The following MPDZ variants were observed in gnomAD, a reference collection of about 807,000 sequenced individuals.
The protein encoded by MPDZ is multiple PDZ domain protein.
Under a neutral mutation model 239.1 loss-of-function variants are expected in MPDZ, and 234 were observed. The observed-to-expected ratio is 0.98, with a 90% CI of 0.88 to 1.09. MPDZ has a LOEUF of 1.09. Ranked by LOEUF, MPDZ falls within the 50% of genes least tolerant of loss-of-function variation. MPDZ has a pLI of 0.00. For synonymous variants in MPDZ, 1,048 were observed against 881.3 expected, an observed-to-expected ratio of 1.19 and a Z score of -3.35; for missense variants, 3,175 against 2,510.0, an observed-to-expected ratio of 1.26 and a Z score of -5.66.
intron 23 of MPDZ, among the ~76,000 whole-genome samples, chr9:13,160,738 A>G (rs1950358408): frequency 6.7e-6 from 1 of 149,864 alleles, no homozygotes; most frequent in African/African-American, 2.5e-5. Flanking sequence ...CATGGATTAA[A>G]CCAACAGCAG....
chr9:13,273,398 G>A (rs1377200386), intron 1 of MPDZ, among the ~76,000 whole-genome samples: 1 of 152,136 alleles, frequency 6.6e-6, no homozygotes, highest in East Asian at 1.9e-4. Context: ...AGCTTCTCAT[G>A]ACCATTTTCT....
chr9:13,279,363 G>C (rs1369756627), intron 1 of MPDZ, 37 bp downstream of exon 1: 1 of 143,346 alleles, frequency 7.0e-6, no homozygotes, highest in Non-Finnish European at 1.5e-5. Context: ...GCGGGGGCGC[G>C]CCTCGGCCTC....
intron 28 of MPDZ, 101 bp from the exon 29 acceptor site, chr9:13,138,254 T>C: frequency 1.6e-6 from 2 of 1,234,968 alleles, no homozygotes; most frequent in East Asian, 2.6e-5. Context: ...GGACAGATTT[T>C]ATACCAAAAT....
At chr9:13,246,405 G>C (rs1377235541) in intron 3 of MPDZ, among the ~76,000 whole-genome samples, 1 of 152,162 alleles carries the variant, frequency 6.6e-6, no homozygotes, top group African/African-American at 2.4e-5. Flanking sequence ...TGGTGCCACT[G>C]CACTGCAACC....
intron 3 of MPDZ, among the ~76,000 whole-genome samples, chr9:13,228,841 A>G (rs1961479322): frequency 6.6e-6 from 1 of 152,200 alleles, no homozygotes; most frequent in South Asian, 2.1e-4. Context: ...TATATAATAA[A>G]GTTGTGCAAT....
intron 46 of MPDZ, among the ~76,000 whole-genome samples, chr9:13,107,447 A>G (rs1941665416): frequency 6.6e-6 from 1 of 152,192 alleles, no homozygotes; most frequent in Admixed American, 6.5e-5. Flanking sequence ...GATTCAATAG[A>G]ATCCAGGATT....
chr9:13,117,446 G>A (rs992440705), intron 39 of MPDZ, among the ~76,000 whole-genome samples: 23 of 151,628 alleles, frequency 1.5e-4, no homozygotes, highest in African/African-American at 5.3e-4. Flanking sequence ...CAGGAGAATG[G>A]CGTGAACCCG....
intron 27 of MPDZ, chr9:13,140,917 G>A (rs1472997496): frequency 6.6e-6 from 1 of 152,050 alleles, no homozygotes; most frequent in Non-Finnish European, 1.5e-5. Flanking sequence ...TTGTCTACCA[G>A]AGAGCCAGTT....
chr9:13,211,169 G>C (rs1957574907), intron 10 of MPDZ, among the ~76,000 whole-genome samples: 1 of 152,028 alleles, frequency 6.6e-6, no homozygotes, highest in Admixed American at 6.6e-5. Context: ...ATTTGCAACT[G>C]TGTCTGATTA....
chr9:13,233,719 A>T (rs1963188621), intron 3 of MPDZ, among the ~76,000 whole-genome samples: 1 of 152,210 alleles, frequency 6.6e-6, no homozygotes, highest in South Asian at 2.1e-4. Context: ...AATGATGTAA[A>T]AACACGCCTC....
At chr9:13,175,616 G>A in intron 21 of MPDZ, 136 bp downstream of exon 21, 1 of 892,904 alleles carries the variant, frequency 1.1e-6, no homozygotes, top group Admixed American at 2.8e-5. Flanking sequence ...TGAGGACATA[G>A]AAATAAAAAC....
At chr9:13,203,728 CCA>C (rs58472339) in intron 12 of MPDZ, among the ~76,000 whole-genome samples, 2,568 of 140,470 alleles carry the variant, frequency 0.018, 38 homozygotes, top group South Asian at 0.032. Context: ...ATGTATCCTG[CCA>C]CACACACACA....
intron 3 of MPDZ, among the ~76,000 whole-genome samples, chr9:13,238,409 C>A (rs570676766): frequency 6.6e-6 from 1 of 152,132 alleles, no homozygotes; most frequent in Non-Finnish European, 1.5e-5. Flanking sequence ...GAGAGCCCTA[C>A]GTAAATCAGA....
At chr9:13,214,835 C>G (rs1958084255) in intron 10 of MPDZ, among the ~76,000 whole-genome samples, 1 of 151,850 alleles carries the variant, frequency 6.6e-6, no homozygotes, top group Non-Finnish European at 1.5e-5. Flanking sequence ...AGGTGGCAAG[C>G]ACAACTTGAT....
Position 13,105,721 on chromosome 9 carries a change from A to C in MPDZ, c.*1244T>G, listed in dbSNP as rs1363961151. 6 of 152,192 alleles carry C rather than the reference A, an allele frequency of 3.9e-5. No individual in the cohort carries two copies. The highest frequency in any genetic ancestry group is 1.4e-4 in the African/African-American group (6 of 41,452). The allele number at this position is 152,192 out of a possible 1,614,324, so 9.4% of individuals were successfully genotyped here. On this transcript the variant is annotated 3_prime_UTR_variant, in exon 47 of 47. Transcript: ENST00000319217. ...CTTGCTGCTTATTTGTGCACCACTG[A>C]AAATTCTTATTTATTCACTTTAATT... is the stretch of plus-strand genomic sequence containing the variant.
intron 27 of MPDZ, among the ~76,000 whole-genome samples, chr9:13,140,402 ATATATATG>A (rs202065617): frequency 0.028 from 4,056 of 144,968 alleles, 211 homozygotes; most frequent in African/African-American, 0.097. Flanking sequence ...ACATATATAT[ATATATATG>A]TATATATATG....
Position 13,168,429 on chromosome 9 carries a change from C to G in MPDZ, c.3191G>C (p.Ser1064Thr), listed in dbSNP as rs1186948578. The G allele has an allele frequency of 5.6e-6, 9 of 1,613,548 alleles. No homozygotes were observed. Among genetic ancestry groups the G allele is most frequent in the Non-Finnish European group, 7.6e-6 (9 of 1,179,586 alleles). Residue 1064 changes from serine to threonine, a missense_variant, in exon 22 of 47, where the codon AGT becomes ACT. Coordinates refer to ENST00000319217, the MANE Select transcript of MPDZ (RefSeq NM_001378778.1). ...ILSINEESTISVTNAQARAML... is the reference protein window; with the variant it reads ...ILSINEESTITVTNAQARAML... ...AGCTCGTGCCTGGGCATTGGTTACACTGATGGTAGACTCTTCATTAATGGA... is the reference window on the plus strand; with the variant it reads ...AGCTCGTGCCTGGGCATTGGTTACAGTGATGGTAGACTCTTCATTAATGGA...
chr9:13,193,178 C>A lies in MPDZ; in HGVS notation c.1792G>T (p.Glu598Ter). 6.3e-7 allele frequency: 1 copy of A among 1,579,280 alleles called. No individual in the cohort carries two copies. Among genetic ancestry groups the A allele is most frequent in the South Asian group, 1.2e-5 (1 of 84,046 alleles). The change falls in exon 14 of 47, where the codon GAG (glutamate) becomes TAG (stop). Residue 598 changes from glutamate (E) to a stop codon, truncating the protein, a stop_gained. Coordinates refer to ENST00000319217, the MANE Select transcript of MPDZ (RefSeq NM_001378778.1). LOFTEE classifies it high-confidence loss of function. ...GCATAGCTCCTTACTTCCAATAGCT[C>A]GTCTCCACTGAAGAGCTTCCCGCTG... is the stretch of plus-strand genomic sequence containing the variant. ...GHSGKLFSGD[E>*]LLEVNGITLL...
intron 12 of MPDZ, among the ~76,000 whole-genome samples, chr9:13,200,025 C>T (rs1472021171): frequency 6.6e-6 from 1 of 151,910 alleles, no homozygotes; most frequent in East Asian, 1.9e-4. Flanking sequence ...TTTAGTAGAA[C>T]TGGATTAGTT....
Sources: gnomAD v4.1 joint callset for allele counts (sites outside exome capture counted in the v4.1 genomes callset) on GRCh38, gnomAD v4.1.1 for gene constraint, MANE v1.5 for transcripts, NCBI Gene and HGNC (gene_info 2026-07-23, HGNC 2026-07-21) for gene names.